CD8B2: variants seen among roughly 807,000 people sequenced by gnomAD.
CD8B2 encodes T-cell surface glycoprotein CD8 beta-2 chain.
CD8B2 carries 11 observed loss-of-function variants against 23.7 expected under a neutral mutation model. The ratio of observed to expected loss-of-function variants is 0.46; its 90% confidence interval spans 0.29 to 0.77. CD8B2 has a LOEUF of 0.77. CD8B2 is among the 30% of genes least tolerant of loss of function. The pLI is 0.09. For synonymous variants in CD8B2, 90 were observed against 109.3 expected (o/e 0.82, Z 1.10); for missense variants, 197 against 270.5 (o/e 0.73, Z 1.91).
chr2:106,489,478 C>T (rs1679149351), intron 1 of CD8B2, among the ~76,000 whole-genome samples: 1 of 152,060 alleles, frequency 6.6e-6, no homozygotes, highest in African/African-American at 2.4e-5. Context: ...TCCTCTTGGG[C>T]ACACACACAT....
chr2:106,519,605 T>C (rs7595367), intron 5 of CD8B2, among the ~76,000 whole-genome samples: 2 of 152,126 alleles, frequency 1.3e-5, no homozygotes, highest in African/African-American at 4.8e-5. Flanking sequence ...TGCTCTGAAC[T>C]TACACCCCAA....
chr2:106,511,250 C>T (rs1292254176), downstream of CD8B2, among the ~76,000 whole-genome samples: 3 of 152,258 alleles, frequency 2.0e-5, no homozygotes, highest in East Asian at 3.9e-4. Flanking sequence ...AGACTTTGGG[C>T]GAGCTACATT....
rs192349523 is a variant in CD8B2 at position 106,502,527 on chromosome 2, C to G, written c.547C>G (p.Leu183Val). 6.3e-7 allele frequency: 1 copy of G among 1,583,964 alleles called. No individual in the cohort carries two copies. Among genetic ancestry groups the G allele is most frequent in the East Asian group, 2.3e-5 (1 of 43,664 alleles). The stretch of plus-strand genomic sequence containing the variant: ...CCTGCTGGTGGCTGGCGTCCTGGTT[C>G]TGCTGGTTTCCCTGGGAGTGGCCAT... Reference protein sequence around the residue: ...LGLLVAGVLVLLVSLGVAMHL... With the variant: ...LGLLVAGVLVVLVSLGVAMHL... The change falls in exon 4 of 6, where the codon CTG becomes GTG. Residue 183 changes from leucine to valine, a missense_variant. Leu to Val is a conservative substitution (Grantham distance 32). This residue lies in a region of CD8B2 where 35 missense variants were observed against 82.9 expected (regional missense o/e 0.42). Coordinates refer to ENST00000643224, the MANE Select transcript of CD8B2 (RefSeq NM_001349727.2).
At chr2:106,506,335 G>T (rs1679504979) in intron 5 of CD8B2, among the ~76,000 whole-genome samples, 1 of 152,080 alleles carries the variant, frequency 6.6e-6, no homozygotes, top group Non-Finnish European at 1.5e-5. Flanking sequence ...TCAGCTTGAG[G>T]CAGGGAAGGG....
intron 3 of CD8B2, among the ~76,000 whole-genome samples, chr2:106,499,091 C>G (rs1051756714): frequency 3.9e-5 from 6 of 152,128 alleles, no homozygotes; most frequent in African/African-American, 1.2e-4. Flanking sequence ...CGGAGAGTCA[C>G]ATTTTGGATG....
At chr2:106,526,752 C>A (rs566946711) in intron 5 of CD8B2, among the ~76,000 whole-genome samples, 1 of 152,088 alleles carries the variant, frequency 6.6e-6, no homozygotes. Flanking sequence ...CTGGTTCAAG[C>A]GATTCTCCTG....
intron 5 of CD8B2, among the ~76,000 whole-genome samples, chr2:106,541,148 G>A (rs1430713606): frequency 1.3e-5 from 2 of 152,114 alleles, no homozygotes; most frequent in Non-Finnish European, 2.9e-5. Context: ...ACGGTGGCAC[G>A]CTGGCTGTGT....
rs114446377 is a variant in CD8B2, at chr2:106,526,938, C to T, written c.621-17054C>T. Among the ~76,000 whole-genome samples, 17 of 152,256 alleles carry T rather than the reference C, an allele frequency of 1.1e-4. 1 individual carries two copies. Among genetic ancestry groups the T allele is most frequent in the African/African-American group, 3.9e-4 (16 of 41,546 alleles). On this transcript the variant is annotated intron_variant, in intron 5 of 5. Transcript: ENST00000416057. Reference sequence around the variant, plus strand: ...ATTACAGGCGTGAGCCATGGCACCCCGCTGAATATATCATTCTTTACTTAT... The same window carrying T: ...ATTACAGGCGTGAGCCATGGCACCCTGCTGAATATATCATTCTTTACTTAT...
downstream of CD8B2, among the ~76,000 whole-genome samples, chr2:106,511,346 C>G (rs1038676992): frequency 1.6e-4 from 25 of 152,162 alleles, no homozygotes; most frequent in African/African-American, 6.0e-4. Context: ...TTAGGTGAGC[C>G]TGGGTTCTCT....
At chr2:106,524,753 C>T (rs61053030) in intron 5 of CD8B2, among the ~76,000 whole-genome samples, 28,233 of 152,066 alleles carry the variant, frequency 0.19, 3,143 homozygotes, top group East Asian at 0.56. Flanking sequence ...CCGGCTGCTG[C>T]GCATTGTTAT....
chr2:106,528,158 C>T (rs1293753999), intron 5 of CD8B2, among the ~76,000 whole-genome samples: 1 of 152,114 alleles, frequency 6.6e-6, no homozygotes, highest in African/African-American at 2.4e-5. Flanking sequence ...TGCTTATTAG[C>T]CTTGTGTATA....
Position 106,506,813 on chromosome 2 carries a change from C to T in CD8B2, c.621-115C>T, listed in dbSNP as rs1679515893. Reference sequence around the variant, plus strand: ...AACATACTAACAAAAAACTCTCGGCCCCAGGCTACTTGGAGTAGAACTCTG... The same window carrying T: ...AACATACTAACAAAAAACTCTCGGCTCCAGGCTACTTGGAGTAGAACTCTG... On this transcript the variant is annotated intron_variant, in intron 5 of 5. Coordinates refer to ENST00000643224, the MANE Select transcript of CD8B2 (RefSeq NM_001349727.2). The T allele has an allele frequency of 3.5e-6, 5 of 1,445,010 alleles. No individual in the cohort carries two copies. The Admixed American group carries it at 7.1e-5, about 20-fold the overall frequency. The allele number at this position is 1,445,010 out of a possible 1,614,324, so 89.5% of individuals were successfully genotyped here. A position where few individuals can be genotyped will look rare whatever the true frequency, so the allele number is the denominator to read the frequency against.
At chr2:106,495,525 C>T (rs1356238650) in intron 2 of CD8B2, among the ~76,000 whole-genome samples, 11 of 151,886 alleles carry the variant, frequency 7.2e-5, no homozygotes, top group Admixed American at 2.0e-4. Flanking sequence ...GGCTACAGAG[C>T]GAGACTTTGT....
At position 106,497,947 on chromosome 2, in the gene CD8B2, G is replaced by T. The variant is rs7355493; in HGVS notation, c.493+1685G>T. Among the ~76,000 whole-genome samples the T allele has an allele frequency of 5.0e-4, 76 of 152,242 alleles. 1 individual carries two copies. The highest frequency in any genetic ancestry group is 1.7e-3 in the African/African-American group (71 of 41,546). The stretch of plus-strand genomic sequence containing the variant: ...TTAAACAAAGGGAAGACCCCAAGTT[G>T]TATGGCACCCCAACCCCAGTGATAG... On this transcript the variant is annotated intron_variant, in intron 3 of 5. Coordinates refer to ENST00000643224, the MANE Select transcript of CD8B2 (RefSeq NM_001349727.2).
In CD8B2 at chr2:106,492,855, T is replaced by TG. The variant is rs990507010; in HGVS notation, c.403+1626dup. Among the ~76,000 whole-genome samples the TG allele has an allele frequency of 3.0e-4, 46 of 152,166 alleles. 2 individuals are homozygous for TG. ...CAAGAAGCTGAGGCATCCCTTCACGTGGGGATCCACTGATTTTCGTATTGA... is the reference window on the plus strand; with the variant it reads ...CAAGAAGCTGAGGCATCCCTTCACGTGGGGGATCCACTGATTTTCGTATTGA... On this transcript the variant is annotated intron_variant, in intron 2 of 5. Transcript: ENST00000643224.
chr2:106,532,923 C>G (rs1680010108), intron 5 of CD8B2, among the ~76,000 whole-genome samples: 1 of 152,160 alleles, frequency 6.6e-6, no homozygotes, highest in Non-Finnish European at 1.5e-5. Flanking sequence ...CAGGTCTCAG[C>G]CTTATTTTAC....
At chr2:106,529,145 A>G (rs772980894) in intron 5 of CD8B2, among the ~76,000 whole-genome samples, 2 of 152,252 alleles carry the variant, frequency 1.3e-5, no homozygotes, top group Non-Finnish European at 2.9e-5. Context: ...GATTCTACAC[A>G]TAATTTACAA....
chr2:106,510,467 G>A lies in CD8B2; in HGVS notation c.*3527G>A, dbSNP rs1679603664. On this transcript the variant is annotated 3_prime_UTR_variant, in exon 6 of 6. Coordinates refer to ENST00000643224, the MANE Select transcript of CD8B2 (RefSeq NM_001349727.2). ...GCAAGCACATGGGATTACAGCTCAT[G>A]CCTGTAATCCCAGTACTTTGGGAGG... 6.6e-6 allele frequency: 1 copy of A among 152,220 alleles called. No homozygotes were observed. Among genetic ancestry groups the A allele is most frequent in the South Asian group, 2.1e-4 (1 of 4,826 alleles). The allele number at this position is 152,220 out of a possible 1,614,324, so 9.4% of individuals were successfully genotyped here. A position where few individuals can be genotyped will look rare whatever the true frequency, so the allele number is the denominator to read the frequency against.
At chr2:106,518,582 A>G (rs1679772239) in intron 5 of CD8B2, among the ~76,000 whole-genome samples, 1 of 152,190 alleles carries the variant, frequency 6.6e-6, no homozygotes, top group Admixed American at 6.5e-5. Context: ...GCAAACCAAT[A>G]TTATTTTCTA....
Sources: gnomAD v4.1 joint callset for allele counts (sites outside exome capture counted in the v4.1 genomes callset) on GRCh38, gnomAD v4.1.1 for gene constraint, gnomAD v4.1.1 regional missense constraint, MANE v1.5 for transcripts, NCBI Gene and HGNC (gene_info 2026-07-23, HGNC 2026-07-21) for gene names.